ADCY2: variants seen among roughly 807,000 people sequenced by gnomAD.
ADCY2 encodes adenylate cyclase type 2.
ADCY2 carries 31 observed loss-of-function variants against 125.2 expected under a neutral mutation model. The observed-to-expected ratio is 0.25, with a 90% CI of 0.19 to 0.33. The LOEUF (loss-of-function observed/expected upper bound fraction) is 0.33. Ranked by LOEUF, ADCY2 falls within the 10% of genes least tolerant of loss-of-function variation. ADCY2 has a pLI of 1.00. For missense variants in ADCY2, 904 were observed against 1,418.2 expected (o/e 0.64, Z 5.82); for synonymous variants, 512 against 548.4 (o/e 0.93, Z 0.93).
intron 3 of ADCY2, among the ~76,000 whole-genome samples, chr5:7,608,229 C>G (rs1274757610): frequency 2.0e-5 from 3 of 152,058 alleles, no homozygotes; most frequent in Non-Finnish European, 4.4e-5. Context: ...AGTAAGAAAC[C>G]ACCTTATCCA....
At position 7,693,379 on chromosome 5, in the gene ADCY2, T is replaced by C. The variant is rs1359497247; in HGVS notation, c.870-2373T>C. On this transcript the variant is annotated intron_variant, in intron 5 of 24. Coordinates refer to ENST00000338316, the MANE Select transcript of ADCY2 (RefSeq NM_020546.3). ...TTCTCTACCGTAATGCTTTGCAGCT[T>C]TGTACCTTGCATCACAATTGCCTGC... Among the ~76,000 whole-genome samples the C allele has an allele frequency of 2.0e-5, 3 of 151,226 alleles. No individual in the cohort carries two copies. In the East Asian group the frequency reaches 5.8e-4, roughly 29 times the overall value.
intron 2 of ADCY2, among the ~76,000 whole-genome samples, chr5:7,463,602 A>C (rs1304618342): frequency 7.0e-6 from 1 of 142,826 alleles, no homozygotes; most frequent in African/African-American, 2.7e-5. Flanking sequence ...TTATGCTGAG[A>C]GCACAAGGTG....
intron 20 of ADCY2, chr5:7,800,423 G>C (rs1744554165): frequency 6.6e-6 from 1 of 152,224 alleles, no homozygotes; most frequent in Admixed American, 6.5e-5. Context: ...CAGCACTTTG[G>C]GAGGCCAAGG....
At chr5:7,741,390 TACTA>T (rs1284090536) in intron 14 of ADCY2, among the ~76,000 whole-genome samples, 1 of 152,082 alleles carries the variant, frequency 6.6e-6, no homozygotes, top group Non-Finnish European at 1.5e-5. Context: ...GAGGTAATAA[TACTA>T]ACTACTATAT....
At chr5:7,790,589 G>A (rs1227322202) in intron 20 of ADCY2, among the ~76,000 whole-genome samples, 1 of 152,218 alleles carries the variant, frequency 6.6e-6, no homozygotes, top group Admixed American at 6.5e-5. Flanking sequence ...GCTCATTTCT[G>A]TGGTGTTTCC....
chr5:7,754,394 C>T (rs1742920892), intron 15 of ADCY2, among the ~76,000 whole-genome samples: 1 of 152,014 alleles, frequency 6.6e-6, no homozygotes, highest in East Asian at 1.9e-4. Flanking sequence ...GTACATTTTC[C>T]CCTGAAGTAA....
chr5:7,454,005 A>C (rs966655943), intron 2 of ADCY2, among the ~76,000 whole-genome samples: 4 of 152,164 alleles, frequency 2.6e-5, no homozygotes, highest in East Asian at 1.9e-4. Flanking sequence ...CTACAGGGAG[A>C]CTGCTTTTCC....
intron 3 of ADCY2, among the ~76,000 whole-genome samples, chr5:7,572,663 T>G: frequency 6.6e-6 from 1 of 152,250 alleles, no homozygotes; most frequent in East Asian, 1.9e-4. Flanking sequence ...AATTTTTGCT[T>G]TCGTTGCAAT....
chr5:7,413,882 G>A (rs1306652122), intron 1 of ADCY2, among the ~76,000 whole-genome samples: 1 of 152,162 alleles, frequency 6.6e-6, no homozygotes, highest in Non-Finnish European at 1.5e-5. Context: ...CAAAATAAAT[G>A]TAAAGAAATA....
At chr5:7,812,706 G>A (rs768612355) in intron 22 of ADCY2, among the ~76,000 whole-genome samples, 15 of 152,138 alleles carry the variant, frequency 9.9e-5, no homozygotes, top group Non-Finnish European at 1.3e-4. Context: ...TCAGGAGTGC[G>A]AGACCAACCT....
chr5:7,709,289 A>G lies in ADCY2; in HGVS notation c.1480A>G (p.Met494Val). 1 of 1,613,930 alleles carries G rather than the reference A, an allele frequency of 6.2e-7. No individual in the cohort carries two copies. The highest frequency in any genetic ancestry group is 8.5e-7 in the Non-Finnish European group (1 of 1,179,942). The part of the protein sequence containing the change: ...DGAKMRASVR[M>V]TRYLESWGAA... ...AGCCAAAATGAGGGCCTCGGTCCGC[A>G]TGACCCGGTACTTGGAGTCCTGGGG... Residue 494 changes from methionine (M) to valine (V), a missense_variant, in exon 10 of 25, where the codon ATG (methionine) becomes GTG (valine). Transcript: ENST00000338316. The surrounding 1 kb of genome is among the most constrained non-coding windows in gnomAD (Gnocchi z 4.4).
chr5:7,403,886 C>G (rs558766186), intron 1 of ADCY2, among the ~76,000 whole-genome samples: 73 of 151,614 alleles, frequency 4.8e-4, no homozygotes, highest in Non-Finnish European at 8.4e-4. Context: ...ATGGGCTGTT[C>G]TGCCCCATTG....
intron 2 of ADCY2, among the ~76,000 whole-genome samples, chr5:7,496,272 G>C (rs1743343007): frequency 6.6e-6 from 1 of 152,112 alleles, no homozygotes; most frequent in African/African-American, 2.4e-5. Context: ...GTTTATAAAA[G>C]CAACAACATT....
At chr5:7,797,464 T>C (rs1435410602) in intron 20 of ADCY2, 2 of 152,260 alleles carry the variant, frequency 1.3e-5, no homozygotes, top group African/African-American at 4.8e-5. Context: ...AACTGCACTT[T>C]ATTATGTTTT....
intron 2 of ADCY2, among the ~76,000 whole-genome samples, chr5:7,484,308 TA>T (rs1742845244): frequency 1.3e-5 from 2 of 152,190 alleles, no homozygotes; most frequent in Non-Finnish European, 2.9e-5. Flanking sequence ...GAAAATGGAT[TA>T]GGGAAAAATA....
intron 3 of ADCY2, among the ~76,000 whole-genome samples, chr5:7,595,455 G>A (rs1736976846): frequency 6.6e-6 from 1 of 152,006 alleles, no homozygotes; most frequent in African/African-American, 2.4e-5. Context: ...ATTAGTTCCT[G>A]GCTTTATTTT....
intron 14 of ADCY2, among the ~76,000 whole-genome samples, chr5:7,730,892 G>T (rs1318539761): frequency 2.6e-5 from 4 of 152,006 alleles, no homozygotes; most frequent in Non-Finnish European, 5.9e-5. Context: ...CAACCTAAGT[G>T]ACTAGGTGTG....
intron 14 of ADCY2, 22 bp from the exon 15 acceptor site, chr5:7,743,646 G>C: frequency 6.2e-7 from 1 of 1,609,798 alleles, no homozygotes; most frequent in Non-Finnish European, 8.5e-7. Flanking sequence ...ACCCTGACTT[G>C]CTGCTTTTTG....
At chr5:7,640,219 C>T (rs994781179) in intron 4 of ADCY2, among the ~76,000 whole-genome samples, 1 of 151,640 alleles carries the variant, frequency 6.6e-6, no homozygotes, top group African/African-American at 2.4e-5. Flanking sequence ...ATTAACGAGT[C>T]AAGGAAAAAA....
Sources: gnomAD v4.1 joint callset for allele counts (sites outside exome capture counted in the v4.1 genomes callset) on GRCh38, gnomAD v4.1.1 for gene constraint, Gnocchi (gnomAD v3.1) non-coding constraint, MANE v1.5 for transcripts, NCBI Gene and HGNC (gene_info 2026-07-23, HGNC 2026-07-21) for gene names.